Variants in IGF2BP3 observed in about 807,000 individuals in gnomAD.
IGF2BP3 encodes insulin-like growth factor 2 mRNA-binding protein 3.
A neutral mutation model predicts 73.8 loss-of-function variants in IGF2BP3; 9 were observed. The ratio of observed to expected loss-of-function variants is 0.12; its 90% CI spans 0.07 to 0.21. The LOEUF (loss-of-function observed/expected upper bound fraction) is 0.21. Ranked by LOEUF, IGF2BP3 falls within the 10% of genes least tolerant of loss-of-function variation. The pLI is 1.00. For synonymous variants in IGF2BP3, 258 were observed against 256.7 expected (o/e 1.01, Z -0.05); for missense variants, 542 against 714.0 (o/e 0.76, Z 2.75).
chr7:23,421,029 G>A (rs1374092276), intron 2 of IGF2BP3, among the ~76,000 whole-genome samples: 2 of 152,142 alleles, frequency 1.3e-5, no homozygotes, highest in African/African-American at 4.8e-5. Context: ...GTGTGTGTGT[G>A]ACAAGAGTCT....
At chr7:23,451,979 G>T (rs1788209929) in intron 2 of IGF2BP3, among the ~76,000 whole-genome samples, 2 of 149,854 alleles carry the variant, frequency 1.3e-5, no homozygotes, top group African/African-American at 2.5e-5. Flanking sequence ...AATAGGGTAT[G>T]TTTTCTTTTT....
In IGF2BP3 at chr7:23,374,578, G is replaced by A. The variant is rs1236574893; in HGVS notation, c.286-12837C>T. Among the ~76,000 whole-genome samples, 5 of 151,384 alleles carry A rather than the reference G, an allele frequency of 3.3e-5. No individual in the cohort carries two copies. The East Asian group carries it at 7.7e-4, about 23-fold the overall frequency. On this transcript the variant is annotated intron_variant, in intron 3 of 14. Transcript: ENST00000258729. ...TGTACTCCCAGCTACTCGGGAGGCTGGGGTGGTAGGACTGCTTGAACCCAG... is the reference window on the plus strand; with the variant it reads ...TGTACTCCCAGCTACTCGGGAGGCTAGGGTGGTAGGACTGCTTGAACCCAG...
At chr7:23,353,734 T>C (rs1437206936) in intron 5 of IGF2BP3, among the ~76,000 whole-genome samples, 2 of 152,234 alleles carry the variant, frequency 1.3e-5, no homozygotes, top group Admixed American at 1.3e-4. Context: ...ATTCTTTTCA[T>C]AAGCTTCAGA....
intron 3 of IGF2BP3, among the ~76,000 whole-genome samples, chr7:23,417,544 G>A (rs1028266019): frequency 1.3e-5 from 2 of 152,154 alleles, no homozygotes; most frequent in African/African-American, 4.8e-5. Context: ...AGATATGCTA[G>A]TACTCTAATA....
chr7:23,427,572 T>G (rs1787548463), intron 2 of IGF2BP3, among the ~76,000 whole-genome samples: 2 of 152,024 alleles, frequency 1.3e-5, no homozygotes, highest in African/African-American at 4.8e-5. Context: ...TACAAAAAAA[T>G]TAAAAACTAA....
chr7:23,328,717 T>C (rs2128496391), intron 10 of IGF2BP3, among the ~76,000 whole-genome samples: 1 of 152,296 alleles, frequency 6.6e-6, no homozygotes, highest in Non-Finnish European at 1.5e-5. Context: ...CAAAAACTTA[T>C]ACATGACCAA....
chr7:23,382,803 C>T (rs932752223), intron 3 of IGF2BP3, among the ~76,000 whole-genome samples: 5 of 145,572 alleles, frequency 3.4e-5, no homozygotes, highest in Admixed American at 1.4e-4. Flanking sequence ...GAGAGGCCAA[C>T]GCAGGGGTGG....
At chr7:23,425,816 T>C (rs1787491763) in intron 2 of IGF2BP3, among the ~76,000 whole-genome samples, 1 of 152,070 alleles carries the variant, frequency 6.6e-6, no homozygotes, top group Non-Finnish European at 1.5e-5. Flanking sequence ...CTGACTTTTT[T>C]AGCCTGGCAT....
At chr7:23,451,143 C>T (rs891821069) in intron 2 of IGF2BP3, among the ~76,000 whole-genome samples, 1 of 152,124 alleles carries the variant, frequency 6.6e-6, no homozygotes, top group Non-Finnish European at 1.5e-5. Context: ...TAGGGCCAGA[C>T]GCAGTGGCTC....
chr7:23,418,544 C>A (rs1363420200), intron 3 of IGF2BP3, among the ~76,000 whole-genome samples: 1 of 152,018 alleles, frequency 6.6e-6, no homozygotes, highest in African/African-American at 2.4e-5. Context: ...GAAAGATTAC[C>A]CAGTTACCCA....
intron 13 of IGF2BP3, 70 bp from the exon 14 acceptor site, chr7:23,312,918 C>T (rs1278270962): frequency 7.7e-6 from 7 of 904,442 alleles, no homozygotes; most frequent in Middle Eastern, 2.2e-4. Flanking sequence ...ACTTACTGTG[C>T]GCCAGACAGT....
intron 3 of IGF2BP3, among the ~76,000 whole-genome samples, chr7:23,368,920 TA>T (rs955041038): frequency 1.4e-3 from 213 of 150,594 alleles, no homozygotes; most frequent in African/African-American, 4.8e-3. Context: ...AAAAAAAACT[TA>T]AAAAAAAATA....
chr7:23,413,610 C>T (rs1029559144), intron 3 of IGF2BP3: 7 of 152,130 alleles, frequency 4.6e-5, no homozygotes, highest in African/African-American at 9.7e-5. Flanking sequence ...AAGGCTTTCT[C>T]CCAAAGCCCT....
intron 2 of IGF2BP3, among the ~76,000 whole-genome samples, chr7:23,426,339 A>G (rs1233466332): frequency 2.6e-4 from 34 of 128,470 alleles, no homozygotes; most frequent in Admixed American, 1.0e-3. Context: ...AAAAAAAAAA[A>G]AGGGGGGTGG....
At chr7:23,435,552 T>C (rs1787789895) in intron 2 of IGF2BP3, among the ~76,000 whole-genome samples, 2 of 149,674 alleles carry the variant, frequency 1.3e-5, no homozygotes, top group East Asian at 4.1e-4. Context: ...GCCTCCTGGG[T>C]TCAAGCGATT....
intron 2 of IGF2BP3, among the ~76,000 whole-genome samples, chr7:23,427,813 C>T (rs1196593700): frequency 1.3e-5 from 2 of 152,026 alleles, no homozygotes; most frequent in Admixed American, 6.5e-5. Flanking sequence ...CAAGACCAGC[C>T]TGGCCAAGAT....
intron 2 of IGF2BP3, among the ~76,000 whole-genome samples, chr7:23,429,585 A>T (rs1339733716): frequency 6.6e-6 from 1 of 152,220 alleles, no homozygotes; most frequent in Non-Finnish European, 1.5e-5. Context: ...TCAAAAGATA[A>T]AAATATATGC....
rs1486172429 is a variant in IGF2BP3, at chr7:23,312,266, A to T, written c.*96T>A. On this transcript the variant is annotated 3_prime_UTR_variant, in exon 15 of 15. Coordinates refer to ENST00000258729, the MANE Select transcript of IGF2BP3 (RefSeq NM_006547.3). ...CAACTGGCTAGGTAAAAACTTGTGCATGTGATTCTGGATAGGGGGTCAGCG... is the reference window on the plus strand; with the variant it reads ...CAACTGGCTAGGTAAAAACTTGTGCTTGTGATTCTGGATAGGGGGTCAGCG... 1.1e-6 allele frequency: 1 copy of T among 891,778 alleles called. No homozygotes were observed. The highest frequency in any genetic ancestry group is 2.4e-5 in the East Asian group (1 of 41,340). The allele number at this position is 891,778 out of a possible 1,614,324, so 55.2% of individuals were successfully genotyped here.
chr7:23,439,309 T>C (rs1659868514), intron 2 of IGF2BP3, among the ~76,000 whole-genome samples: 1 of 151,824 alleles, frequency 6.6e-6, no homozygotes, highest in South Asian at 2.1e-4. Flanking sequence ...TCCCAGCACT[T>C]TGGGACGCCG....
Sources: allele counts gnomAD v4.1 joint callset (sites outside exome capture counted in the v4.1 genomes callset), GRCh38; gene constraint gnomAD v4.1.1; transcripts MANE v1.5; gene names NCBI Gene and HGNC (gene_info 2026-07-23, HGNC 2026-07-21).